The following DMD variants were observed in gnomAD, a reference collection of about 807,000 sequenced individuals.
DMD encodes dystrophin, also known as mutant dystrophin.
Under a neutral mutation model 330.1 loss-of-function variants are expected in DMD, and 63 were observed. The observed-to-expected ratio is 0.19, with a 90% CI of 0.16 to 0.24. The LOEUF (loss-of-function observed/expected upper bound fraction) is 0.24, where lower values mean the gene tolerates loss of function less well. Ranked by LOEUF, DMD falls within the 10% of genes least tolerant of loss-of-function variation. DMD has a pLI of 1.00. For synonymous variants in DMD, 1,223 were observed against 959.8 expected (o/e 1.27, Z -5.07); for missense variants, 3,344 against 2,684.1 (o/e 1.25, Z -5.43).
At chrX:32,661,201 T>C (rs148777130) in intron 9 of DMD, among the ~76,000 whole-genome samples, 3,560 of 111,432 alleles carry the variant, frequency 0.032, 146 homozygotes, top group African/African-American at 0.11. Context: ...GTGGGTGCTA[T>C]CCACTGTGTA....
chrX:33,259,198 C>A (rs1422594099), intron 1 of DMD, among the ~76,000 whole-genome samples: 1 of 110,230 alleles, frequency 9.1e-6, no homozygotes, highest in East Asian at 2.8e-4. Flanking sequence ...ACGTTCACAG[C>A]AGGACTAAGT....
At chrX:31,363,378 T>TC (rs2059048448) in intron 60 of DMD, among the ~76,000 whole-genome samples, 1 of 80,410 alleles carries the variant, frequency 1.2e-5, no homozygotes, top group African/African-American at 5.2e-5. Flanking sequence ...GTATCTTTTT[T>TC]TTTTTTTTTT....
intron 29 of DMD, among the ~76,000 whole-genome samples, chrX:32,434,756 A>T (rs999493650): frequency 3.0e-4 from 34 of 112,027 alleles, no homozygotes; most frequent in Non-Finnish European, 6.0e-4. Context: ...AGTGCTGAGC[A>T]AAGCCTGAGA....
At chrX:33,035,088 G>A (rs1345678491) in intron 1 of DMD, among the ~76,000 whole-genome samples, 2 of 111,797 alleles carry the variant, frequency 1.8e-5, no homozygotes, top group African/African-American at 6.5e-5. Flanking sequence ...GAAAAATGTT[G>A]GATGAAAAAT....
intron 1 of DMD, among the ~76,000 whole-genome samples, chrX:33,026,758 T>TGTC (rs2094012512): frequency 8.9e-6 from 1 of 111,762 alleles, no homozygotes; most frequent in African/African-American, 3.3e-5. Context: ...ATGTCAAAGA[T>TGTC]ATTTCTTTAT....
chrX:31,961,968 G>A (rs1412130950), intron 45 of DMD, among the ~76,000 whole-genome samples: 1 of 110,386 alleles, frequency 9.1e-6, no homozygotes, highest in Non-Finnish European at 1.9e-5. Flanking sequence ...GAAATTGCAA[G>A]TGTATACCAG....
intron 1 of DMD, among the ~76,000 whole-genome samples, chrX:33,112,900 C>A (rs1258155118): frequency 9.2e-6 from 1 of 108,401 alleles, no homozygotes; most frequent in African/African-American, 3.3e-5. Context: ...TTGCAGTGAG[C>A]CAAGACTGCG....
At chrX:32,768,907 G>A (rs1023979255) in intron 7 of DMD, among the ~76,000 whole-genome samples, 1 of 111,696 alleles carries the variant, frequency 9.0e-6, no homozygotes, top group Non-Finnish European at 1.9e-5. Context: ...AGACAGGCAT[G>A]GCTATATACA....
chrX:32,902,746 A>G (rs914648929), intron 2 of DMD, among the ~76,000 whole-genome samples: 2 of 111,148 alleles, frequency 1.8e-5, no homozygotes, highest in African/African-American at 6.7e-5. Context: ...CAGCATATAT[A>G]GGAGAAAGAG....
At chrX:33,124,207 GT>G (rs1164838391) in intron 1 of DMD, among the ~76,000 whole-genome samples, 1 of 107,401 alleles carries the variant, frequency 9.3e-6, no homozygotes, top group East Asian at 2.9e-4. Flanking sequence ...GCCAGGCACG[GT>G]GGCTCACGCC....
intron 1 of DMD, among the ~76,000 whole-genome samples, chrX:33,218,314 C>G (rs749670402): frequency 1.8e-5 from 2 of 110,972 alleles, no homozygotes; most frequent in Admixed American, 9.6e-5. Flanking sequence ...CTGTGCTTAC[C>G]TGGTTTTATT....
intron 2 of DMD, among the ~76,000 whole-genome samples, chrX:32,851,947 G>A (rs914192969): frequency 2.7e-5 from 3 of 111,169 alleles, no homozygotes; most frequent in African/African-American, 9.8e-5. Flanking sequence ...AGCACTTTGG[G>A]GTCCTAAATA....
chrX:31,733,063 T>G (rs1323736850), intron 51 of DMD, among the ~76,000 whole-genome samples: 1 of 111,028 alleles, frequency 9.0e-6, no homozygotes, highest in Non-Finnish European at 1.9e-5. Context: ...CTACTGGGCT[T>G]TACTAAAAAC....
At chrX:32,893,832 G>A (rs908851907) in intron 2 of DMD, among the ~76,000 whole-genome samples, 8 of 111,573 alleles carry the variant, frequency 7.2e-5, no homozygotes, top group Non-Finnish European at 7.5e-5. Flanking sequence ...TCTAGCCTAT[G>A]GTGGGAAATG....
intron 2 of DMD, among the ~76,000 whole-genome samples, chrX:32,864,840 T>C (rs768456960): frequency 2.1e-4 from 24 of 111,766 alleles, no homozygotes; most frequent in Non-Finnish European, 3.6e-4. Flanking sequence ...GCTATATAAA[T>C]CAAAATATAA....
At position 32,073,167 on chromosome X, in the gene DMD, T is replaced by C. The variant is rs777726658; in HGVS notation, c.6439-104653A>G. 2.7e-5 allele frequency among the ~76,000 whole-genome samples: 3 copies of C among 112,122 alleles called. No homozygotes were observed. The South Asian group carries it at 1.1e-3, about 41-fold the overall frequency. ...AGAAGGGGAAAAAAAGCAACACTCT[T>C]AGCTCCTTTATCCAGTACTCCTGAC... On this transcript the variant is annotated intron_variant, in intron 44 of 78. Coordinates refer to ENST00000357033, the MANE Select transcript of DMD (RefSeq NM_004006.3).
chrX:32,664,061 T>C (rs1443474096), intron 9 of DMD, among the ~76,000 whole-genome samples: 5 of 111,046 alleles, frequency 4.5e-5, no homozygotes, highest in African/African-American at 9.8e-5. Context: ...TGCCTTACGT[T>C]TTAACAAGAC....
At chrX:31,869,155 CT>C (rs2093848413) in intron 48 of DMD, among the ~76,000 whole-genome samples, 1 of 111,525 alleles carries the variant, frequency 9.0e-6, no homozygotes, top group African/African-American at 3.3e-5. Flanking sequence ...ACTTATTCAG[CT>C]TGTGATTCTT....
At chrX:31,671,775 G>A (rs1348269018) in intron 53 of DMD, among the ~76,000 whole-genome samples, 31 of 111,195 alleles carry the variant, frequency 2.8e-4, no homozygotes, top group Non-Finnish European at 3.8e-5. Context: ...TCTAATATTA[G>A]TAATTTGACC....
Sources: gnomAD v4.1 joint callset for allele counts (sites outside exome capture counted in the v4.1 genomes callset) on GRCh38, gnomAD v4.1.1 for gene constraint, MANE v1.5 for transcripts, NCBI Gene and HGNC (gene_info 2026-07-23, HGNC 2026-07-21) for gene names.